The following EPHA6 variants were observed in gnomAD, a reference collection of about 807,000 sequenced individuals.
EPHA6 encodes ephrin type-A receptor 6.
EPHA6 carries 50 observed loss-of-function variants against 112.0 expected under a neutral mutation model. The observed-to-expected ratio is 0.45, with a 90% CI of 0.36 to 0.56. The LOEUF (loss-of-function observed/expected upper bound fraction) is 0.56, where lower values mean the gene tolerates loss of function less well. EPHA6 is among the 20% of genes least tolerant of loss of function. The pLI, the probability that EPHA6 is intolerant of heterozygous loss-of-function variation, is 0.00. For synonymous variants in EPHA6, 529 were observed against 490.7 expected, an observed-to-expected ratio of 1.08 and a Z score of -1.03; for missense variants, 1,280 against 1,417.4, an observed-to-expected ratio of 0.90 and a Z score of 1.56.
intron 10 of EPHA6, among the ~76,000 whole-genome samples, chr3:97,513,187 T>C (rs1015252202): frequency 3.9e-5 from 6 of 152,166 alleles, no homozygotes; most frequent in Non-Finnish European, 8.8e-5. Context: ...AATTTCACAG[T>C]GTATGTTGGT....
chr3:97,213,506 G>T (rs921936107), intron 3 of EPHA6, among the ~76,000 whole-genome samples: 1 of 152,154 alleles, frequency 6.6e-6, no homozygotes, highest in South Asian at 2.1e-4. Flanking sequence ...AGCATTATGA[G>T]TTCTGATTCC....
chr3:96,953,139 A>C (rs1460016231), intron 2 of EPHA6, among the ~76,000 whole-genome samples: 1 of 152,204 alleles, frequency 6.6e-6, no homozygotes, highest in East Asian at 1.9e-4. Flanking sequence ...ATGCTAAGTT[A>C]GGTTTTCCAT....
intron 6 of EPHA6, among the ~76,000 whole-genome samples, chr3:97,422,243 A>C (rs1426481992): frequency 3.3e-5 from 5 of 152,072 alleles, no homozygotes; most frequent in Admixed American, 6.5e-5. Flanking sequence ...CAATTAGTAA[A>C]GGAGTAGTAT....
chr3:97,332,982 G>A (rs1237195370), intron 5 of EPHA6, among the ~76,000 whole-genome samples: 1 of 151,548 alleles, frequency 6.6e-6, no homozygotes, highest in Non-Finnish European at 1.5e-5. Context: ...GAAAATGCTT[G>A]TCTATGTCTA....
intron 10 of EPHA6, among the ~76,000 whole-genome samples, chr3:97,503,179 A>G (rs1330257063): frequency 6.6e-6 from 1 of 152,186 alleles, no homozygotes; most frequent in Non-Finnish European, 1.5e-5. Flanking sequence ...AACTGACCTC[A>G]GGATAAATAG....
intron 3 of EPHA6, among the ~76,000 whole-genome samples, chr3:97,052,254 T>C (rs1576396319): frequency 6.6e-6 from 1 of 152,064 alleles, no homozygotes; most frequent in Admixed American, 6.6e-5. Context: ...CTCTGTCATA[T>C]GTGTTTATAT....
intron 13 of EPHA6, among the ~76,000 whole-genome samples, chr3:97,617,765 G>C (rs111594492): frequency 1.3e-5 from 2 of 152,074 alleles, no homozygotes; most frequent in African/African-American, 4.8e-5. Context: ...ACACAGGAGC[G>C]CTCAGATTCA....
chr3:97,226,500 A>C, intron 4 of EPHA6, 81 bp downstream of exon 4: 2 of 1,314,866 alleles, frequency 1.5e-6, no homozygotes, highest in Non-Finnish European at 2.1e-6. Flanking sequence ...AAATAAGTAA[A>C]TGTACAAAAT....
intron 2 of EPHA6, among the ~76,000 whole-genome samples, chr3:96,877,809 C>T (rs995005580): frequency 1.3e-5 from 2 of 151,706 alleles, no homozygotes; most frequent in African/African-American, 2.4e-5. Context: ...TCTTCTTCTT[C>T]CCCATAATTA....
At chr3:97,235,680 A>C (rs1158231712) in intron 4 of EPHA6, among the ~76,000 whole-genome samples, 5 of 152,060 alleles carry the variant, frequency 3.3e-5, no homozygotes, top group Non-Finnish European at 7.4e-5. Context: ...TCATATCCCC[A>C]CTGCTGCTTA....
chr3:97,744,388 G>T (rs1016904135), intron 16 of EPHA6, among the ~76,000 whole-genome samples: 8 of 152,000 alleles, frequency 5.3e-5, no homozygotes, highest in African/African-American at 1.9e-4. Flanking sequence ...ATATTCCAGA[G>T]AATTCATGTG....
At chr3:97,011,432 T>G (rs1347490377) in intron 3 of EPHA6, among the ~76,000 whole-genome samples, 1 of 152,160 alleles carries the variant, frequency 6.6e-6, no homozygotes, top group Middle Eastern at 3.2e-3. Context: ...CTTTGGACAT[T>G]TCAAGCAAAC....
intron 3 of EPHA6, among the ~76,000 whole-genome samples, chr3:97,108,013 G>A (rs1357343669): frequency 2.0e-5 from 3 of 152,032 alleles, no homozygotes; most frequent in Admixed American, 1.3e-4. Context: ...TGTATATAAG[G>A]GACCTAAGTT....
chr3:97,596,877 T>A (rs1188238192), intron 12 of EPHA6, among the ~76,000 whole-genome samples: 3 of 22,178 alleles, frequency 1.4e-4, no homozygotes, highest in African/African-American at 1.6e-4. Context: ...ATCTATGGAA[T>A]ATATATATAT....
intron 2 of EPHA6, among the ~76,000 whole-genome samples, chr3:96,875,687 AGCC>A (rs1322412856): frequency 6.6e-6 from 1 of 152,068 alleles, no homozygotes; most frequent in African/African-American, 2.4e-5. Context: ...TTTAATGAAT[AGCC>A]ATGATGATGT....
intron 11 of EPHA6, among the ~76,000 whole-genome samples, chr3:97,578,382 C>T (rs1241534202): frequency 6.6e-6 from 1 of 152,134 alleles, no homozygotes; most frequent in East Asian, 1.9e-4. Flanking sequence ...GTCCCATTTC[C>T]TCCTTTCAGG....
chr3:96,931,254 C>A (rs1230342779), intron 2 of EPHA6, among the ~76,000 whole-genome samples: 1 of 151,482 alleles, frequency 6.6e-6, no homozygotes, highest in Non-Finnish European at 1.5e-5. Context: ...GAGGTCCCAC[C>A]CAGTGAGGAG....
chr3:96,881,710 T>G (rs1284833674), intron 2 of EPHA6, among the ~76,000 whole-genome samples: 2 of 152,116 alleles, frequency 1.3e-5, no homozygotes, highest in Non-Finnish European at 2.9e-5. Flanking sequence ...GAGTCCAAAG[T>G]CTCATCCAAG....
chr3:97,142,755 G>GA (rs2108356061), intron 3 of EPHA6, among the ~76,000 whole-genome samples: 1 of 151,796 alleles, frequency 6.6e-6, no homozygotes, highest in African/African-American at 2.4e-5. Context: ...AATAGACACA[G>GA]AAAAAGCATT....
Sources: gnomAD v4.1 joint callset for allele counts (sites outside exome capture counted in the v4.1 genomes callset) on GRCh38, gnomAD v4.1.1 for gene constraint, MANE v1.5 for transcripts, NCBI Gene and HGNC (gene_info 2026-07-23, HGNC 2026-07-21) for gene names.